The following DDHD2 variants were observed in gnomAD, a reference collection of about 807,000 sequenced individuals.
DDHD2 encodes triacylglycerol hydrolase DDHD2.
Under a neutral mutation model 91.2 loss-of-function variants are expected in DDHD2, and 62 were observed. The observed-to-expected ratio is 0.68, with a 90% CI of 0.55 to 0.84. The LOEUF is 0.84. Ranked by LOEUF, DDHD2 falls within the 40% of genes least tolerant of loss-of-function variation. DDHD2 has a pLI of 0.00. For missense variants in DDHD2, 740 were observed against 846.9 expected (o/e 0.87, Z 1.57); for synonymous variants, 271 against 293.9 (o/e 0.92, Z 0.80).
At chr8:38,268,026 A>G (rs928761066) in intron 1 of DDHD2, 1 of 1,611,898 alleles carries the variant, frequency 6.2e-7, no homozygotes, top group Non-Finnish European at 8.5e-7. Context: ...TGGCCTCGTT[A>G]TGAGAGCAGC....
At chr8:38,248,048 A>G (rs557402748) in intron 10 of DDHD2, among the ~76,000 whole-genome samples, 3 of 152,340 alleles carry the variant, frequency 2.0e-5, no homozygotes, top group South Asian at 2.1e-4. Context: ...TCATAGAGCA[A>G]TGGAGCAGAC....
chr8:38,271,217 A>T lies in DDHD2; in HGVS notation n.183A>T, dbSNP rs1018632431. On this transcript the variant is annotated non_coding_transcript_exon_variant, in exon 2 of 2. Transcript: ENST00000526071. ...TCACCTTTAATCCACGCTAAAGAGGATAAGAGACTAGGCTATTTATTTTCA... is the reference window on the plus strand; with the variant it reads ...TCACCTTTAATCCACGCTAAAGAGGTTAAGAGACTAGGCTATTTATTTTCA... 3.9e-5 allele frequency: 6 copies of T among 152,332 alleles called. No homozygotes were observed. In the South Asian group the frequency reaches 1.2e-3, roughly 32 times the overall value. 9.4% of individuals were successfully genotyped at this position (152,332 alleles called of 1,614,324 possible).
intron 1 of DDHD2, chr8:38,268,207 C>T: frequency 2.8e-6 from 3 of 1,068,358 alleles, no homozygotes; most frequent in Non-Finnish European, 3.9e-6. Context: ...GTGTAGCCTG[C>T]GTAACCAAGT....
chr8:38,244,780 G>A (rs541257646), intron 7 of DDHD2, among the ~76,000 whole-genome samples: 1 of 142,466 alleles, frequency 7.0e-6, no homozygotes, highest in South Asian at 2.2e-4. Flanking sequence ...TGGACAGACT[G>A]GTCTCGAACT....
At chr8:38,272,717 CAAGAATAAAA>C (rs1563337714), downstream of DDHD2, 2 of 152,148 alleles carry the variant, frequency 1.3e-5, no homozygotes, top group African/African-American at 4.8e-5. Context: ...CATTGTTGGA[CAAGAATAAAA>C]ACCAGCCACT....
chr8:38,243,912 C>T lies in DDHD2; in HGVS notation c.848+1527C>T, dbSNP rs564938837. 1.7e-4 allele frequency among the ~76,000 whole-genome samples: 25 copies of T among 150,988 alleles called. 1 individual carries two copies. In the East Asian group the frequency reaches 4.1e-3, roughly 25 times the overall value. ...CTCCGACTCCCGGGTTCAAGCAGTTCCCAGTCTTGGCCTCCCGAGTAGCTG... is the reference window on the plus strand; with the variant it reads ...CTCCGACTCCCGGGTTCAAGCAGTTTCCAGTCTTGGCCTCCCGAGTAGCTG... On this transcript the variant is annotated intron_variant, in intron 7 of 17. Transcript: ENST00000397166.
At chr8:38,257,238 G>GTTTT (rs749469533) in intron 16 of DDHD2, among the ~76,000 whole-genome samples, 14 of 63,824 alleles carry the variant, frequency 2.2e-4, no homozygotes, top group Non-Finnish European at 3.4e-4. Context: ...TGGCCAACAA[G>GTTTT]TTTTTTTTTT....
chr8:38,256,507 G>A (rs1439266800), intron 16 of DDHD2, among the ~76,000 whole-genome samples: 1 of 152,084 alleles, frequency 6.6e-6, no homozygotes, highest in African/African-American at 2.4e-5. Flanking sequence ...TATTTTCGTA[G>A]AGATGGGGTC....
chr8:38,247,908 T>C (rs1805772077), intron 10 of DDHD2, 73 bp downstream of exon 10: 4 of 1,177,464 alleles, frequency 3.4e-6, no homozygotes, highest in Non-Finnish European at 4.7e-6. Flanking sequence ...ACTAAGAGCC[T>C]ACCCTTTAGA....
In DDHD2 at chr8:38,269,218, C is replaced by G. The variant is rs1030199774; in HGVS notation, n.88-1904C>G. On this transcript the variant is annotated intron_variant and non_coding_transcript_variant, in intron 1 of 1. Coordinates refer to the DDHD2 transcript ENST00000526071. Reference sequence around the variant, plus strand: ...TCCCCATCCGGCCGCGAGCTCCGAGCGACGCTGCGCTGACGTGGCCACCTC... The same window carrying G: ...TCCCCATCCGGCCGCGAGCTCCGAGGGACGCTGCGCTGACGTGGCCACCTC... 2.0e-6 allele frequency: 3 copies of G among 1,485,946 alleles called. No individual in the cohort carries two copies. The African/African-American group carries it at 4.4e-5, about 22-fold the overall frequency. 92.0% of individuals were successfully genotyped at this position (1,485,946 alleles called of 1,614,324 possible). A position where few individuals can be genotyped will look rare whatever the true frequency, so the allele number is the denominator to read the frequency against.
At chr8:38,244,011 C>A (rs1360141928) in intron 7 of DDHD2, among the ~76,000 whole-genome samples, 2 of 151,726 alleles carry the variant, frequency 1.3e-5, no homozygotes, top group Non-Finnish European at 2.9e-5. Context: ...CCACGTTGGT[C>A]AGGCTGGTCT....
In DDHD2 at chr8:38,252,963, G is replaced by A. The variant is rs759820228; in HGVS notation, c.1727G>A (p.Arg576Lys). The A allele has an allele frequency of 6.2e-7, 1 of 1,613,906 alleles. No individual in the cohort carries two copies. Among genetic ancestry groups the A allele is most frequent in the Non-Finnish European group, 8.5e-7 (1 of 1,179,942 alleles). The change falls in exon 15 of 18, where the codon AGA becomes AAA. Residue 576 changes from arginine to lysine, a missense_variant. By Grantham distance (26) the Arg-to-Lys change is conservative. Coordinates refer to ENST00000397166, the MANE Select transcript of DDHD2 (RefSeq NM_015214.3). The stretch of plus-strand genomic sequence containing the variant: ...CTTTATTTATATGTTTCAGAACTGA[G>A]AGAGGGCTTGACCAGGATGAGTATG... ...KGRKRMHLEL[R>K]EGLTRMSMDL... is the part of the protein sequence containing the mutation.
intron 2 of DDHD2, among the ~76,000 whole-genome samples, chr8:38,233,564 G>A (rs1048227476): frequency 2.0e-5 from 3 of 151,708 alleles, no homozygotes; most frequent in Admixed American, 6.6e-5. Context: ...GATTACAGGC[G>A]TGTTACACCC....
chr8:38,235,603 C>T (rs1221230467), intron 3 of DDHD2, among the ~76,000 whole-genome samples: 2 of 151,632 alleles, frequency 1.3e-5, no homozygotes, highest in African/African-American at 2.4e-5. Context: ...CGCCTGTAAT[C>T]CCAGCTACTT....
intron 3 of DDHD2, among the ~76,000 whole-genome samples, chr8:38,236,043 C>A (rs1187158938): frequency 6.6e-6 from 1 of 152,094 alleles, no homozygotes. Context: ...ACAAGAGTGT[C>A]GTTCTGTTTC....
chr8:38,257,020 C>T (rs534050331), intron 16 of DDHD2, among the ~76,000 whole-genome samples: 2 of 151,530 alleles, frequency 1.3e-5, no homozygotes, highest in East Asian at 3.9e-4. Context: ...ACCTTGGACT[C>T]AAGCCATCCT....
At chr8:38,268,156 G>A in intron 1 of DDHD2, 1 of 1,332,974 alleles carries the variant, frequency 7.5e-7, no homozygotes, top group African/African-American at 1.5e-5. Flanking sequence ...CATTTCTGAG[G>A]TACAAATAAC....
intron 5 of DDHD2, among the ~76,000 whole-genome samples, chr8:38,240,048 A>G (rs1394630926): frequency 6.6e-6 from 1 of 152,104 alleles, no homozygotes; most frequent in Non-Finnish European, 1.5e-5. Flanking sequence ...GAGATCAGAA[A>G]AAAAAGAAAA....
chr8:38,267,844 C>T (rs1807901508), intron 1 of DDHD2: 2 of 1,538,820 alleles, frequency 1.3e-6, no homozygotes, highest in Non-Finnish European at 1.8e-6. Flanking sequence ...CCTCTCTGTT[C>T]TGGTGGGTAA....
Sources: allele counts gnomAD v4.1 joint callset (sites outside exome capture counted in the v4.1 genomes callset), GRCh38; gene constraint gnomAD v4.1.1; transcripts MANE v1.5; gene names NCBI Gene and HGNC (gene_info 2026-07-23, HGNC 2026-07-21).